BIRC3: variants seen among roughly 807,000 people sequenced by gnomAD.
The protein encoded by BIRC3 is baculoviral IAP repeat-containing protein 3.
A neutral mutation model predicts 59.0 loss-of-function variants in BIRC3; 26 were observed. The ratio of observed to expected loss-of-function variants is 0.44; its 90% CI spans 0.32 to 0.61. The LOEUF is 0.61. BIRC3 is among the 20% of genes least tolerant of loss of function. BIRC3 has a pLI of 0.04. For synonymous variants in BIRC3, 243 were observed against 249.2 expected (o/e 0.98, Z 0.24); for missense variants, 641 against 711.5 (o/e 0.90, Z 1.13).
chr11:102,335,768 C>T (rs1436082543), intron 6 of BIRC3, among the ~76,000 whole-genome samples, 198 bp from the exon 7 acceptor site: 6 of 152,070 alleles, frequency 3.9e-5, no homozygotes, highest in Non-Finnish European at 8.8e-5. Context: ...AGGCATGTGC[C>T]ACTGCACCCT....
chr11:102,318,596 C>T (rs1433996588), intron 1 of BIRC3, among the ~76,000 whole-genome samples: 1 of 152,204 alleles, frequency 6.6e-6, no homozygotes, highest in Non-Finnish European at 1.5e-5. Context: ...AAAAGGCACA[C>T]TTGCCCTCCA....
intron 5 of BIRC3, among the ~76,000 whole-genome samples, chr11:102,330,566 C>T (rs1190921700): frequency 1.3e-5 from 2 of 152,178 alleles, no homozygotes; most frequent in Non-Finnish European, 2.9e-5. Context: ...TTTAAAAAGT[C>T]ACTCTGATTG....
chr11:102,317,965 G>A lies in BIRC3; in HGVS notation c.-2674+394G>A, dbSNP rs543216209. Reference sequence around the variant, plus strand: ...AAGTAAAACGTTTAATGAGCAAATGGACGCATGTTTCCAAGCGGTGGTAGG... The same window carrying A: ...AAGTAAAACGTTTAATGAGCAAATGAACGCATGTTTCCAAGCGGTGGTAGG... On this transcript the variant is annotated intron_variant, in intron 1 of 8. Transcript: ENST00000263464. Among the ~76,000 whole-genome samples, 23 of 152,290 alleles carry A rather than the reference G, an allele frequency of 1.5e-4. No individual in the cohort carries two copies. The South Asian group carries it at 4.8e-3, about 32-fold the overall frequency.
Position 102,325,291 on chromosome 11 carries a change from C to A in BIRC3, c.782C>A (p.Thr261Lys). 1 of 1,614,112 alleles carries A rather than the reference C, an allele frequency of 6.2e-7. No individual in the cohort carries two copies. The highest frequency in any genetic ancestry group is 8.5e-7 in the Non-Finnish European group (1 of 1,179,988). The part of the protein sequence containing the change: ...SMQTHAARFK[T>K]FFNWPSSVLV... ...CAGACACATGCAGCCCGCTTTAAAA[C>A]ATTCTTTAACTGGCCCTCTAGTGTT... The change falls in exon 2 of 9, where the codon ACA (threonine) becomes AAA (lysine). Residue 261 changes from threonine to lysine, a missense_variant. By Grantham distance (78) the Thr-to-Lys change is moderately conservative (BLOSUM62 -1). Around this residue, in one of 4 missense-constraint regions of BIRC3, gnomAD observed 329 missense variants for 365.6 expected, o/e 0.90. Coordinates refer to ENST00000263464, the MANE Select transcript of BIRC3 (RefSeq NM_001165.5).
intron 1 of BIRC3, among the ~76,000 whole-genome samples, chr11:102,321,066 A>G (rs1951026832): frequency 6.6e-6 from 1 of 152,244 alleles, no homozygotes; most frequent in Non-Finnish European, 1.5e-5. Flanking sequence ...CTGTGGTCCA[A>G]GAAAAAAATG....
chr11:102,336,508 G>A, intron 7 of BIRC3: 1 of 557,898 alleles, frequency 1.8e-6, no homozygotes, highest in Non-Finnish European at 3.1e-6. Context: ...GTGGGAGGAT[G>A]GCTTAAGCCT....
At position 102,328,880 on chromosome 11, in the gene BIRC3, A is replaced by ATATATT. The variant is rs1555043003; in HGVS notation, c.1033-16_1033-15insATATTT. The ATATATT allele has an allele frequency of 2.3e-6, 1 of 426,302 alleles. No individual in the cohort carries two copies. The highest frequency in any genetic ancestry group is 2.9e-6 in the Non-Finnish European group (1 of 340,888). The allele number at this position is 426,302 out of a possible 1,614,324, so 26.4% of individuals were successfully genotyped here. A position where few individuals can be genotyped will look rare whatever the true frequency, so the allele number is the denominator to read the frequency against. On this transcript the variant is annotated splice_polypyrimidine_tract_variant and intron_variant, in intron 4 of 8. Coordinates refer to ENST00000263464, the MANE Select transcript of BIRC3 (RefSeq NM_001165.5). ...AATTTATATATATATATATATATAT[A>ATATATT]TTTTTTTTTTCTGCAGCTGCTATCC...
intron 1 of BIRC3, among the ~76,000 whole-genome samples, chr11:102,321,457 T>G (rs1281057649): frequency 6.6e-6 from 1 of 152,096 alleles, no homozygotes; most frequent in African/African-American, 2.4e-5. Flanking sequence ...CAGGCTCACA[T>G]GATTCTCCTG....
chr11:102,338,243 T>G lies in BIRC3; in HGVS notation c.*1141T>G, dbSNP rs1951218512. On this transcript the variant is annotated 3_prime_UTR_variant, in exon 9 of 9. Coordinates refer to ENST00000263464, the MANE Select transcript of BIRC3 (RefSeq NM_001165.5). ...AGGTCTTCAAGAGCAGAAGTAAGAC[T>G]GTAATAGGGAATACTCAGGGGAAGG... The G allele has an allele frequency of 4.4e-6, 1 of 227,618 alleles. No homozygotes were observed. The highest frequency in any genetic ancestry group is 8.7e-6 in the Non-Finnish European group (1 of 114,600). 14.1% of individuals were successfully genotyped at this position (227,618 alleles called of 1,614,324 possible).
In BIRC3 at chr11:102,325,248, G is replaced by A. The variant is rs1260062391; in HGVS notation, c.739G>A (p.Val247Ile). 5 of 1,613,960 alleles carry A rather than the reference G, an allele frequency of 3.1e-6. No individual in the cohort carries two copies. The highest frequency in any genetic ancestry group is 4.2e-6 in the Non-Finnish European group (5 of 1,180,010). Residue 247 changes from valine (V) to isoleucine (I), a missense_variant, in exon 2 of 9, where the codon GTT (valine) becomes ATT (isoleucine). Val to Ile is a conservative substitution (Grantham distance 29, BLOSUM62 3). This residue lies in a region of BIRC3 where 329 missense variants were observed against 365.6 expected (regional missense o/e 0.90). Transcript: ENST00000263464. ...NQLQDTSRYT[V>I]SNLSMQTHAA... ...GCTTCAAGACACTTCAAGATACACA[G>A]TTTCTAATCTGAGCATGCAGACACA... is the stretch of plus-strand genomic sequence containing the variant.
rs927273291 is a variant in BIRC3 at position 102,322,438 on chromosome 11, T to C, written c.-2072T>C. 4.8e-6 allele frequency: 1 copy of C among 206,980 alleles called. No homozygotes were observed. The allele number at this position is 206,980 out of a possible 1,614,324, so 12.8% of individuals were successfully genotyped here. ...ATCCAGTTATTTACAAGGCCACTGATATTTTAAACGTCCAAAAGTTTGTTT... is the reference window on the plus strand; with the variant it reads ...ATCCAGTTATTTACAAGGCCACTGACATTTTAAACGTCCAAAAGTTTGTTT... On this transcript the variant is annotated 5_prime_UTR_variant, in exon 2 of 9. Transcript: ENST00000263464.
intron 7 of BIRC3, 51 bp downstream of exon 7, chr11:102,336,271 C>A: frequency 6.7e-7 from 1 of 1,500,604 alleles, no homozygotes; most frequent in Non-Finnish European, 9.0e-7. Flanking sequence ...ATTGAAAATA[C>A]GCTCTTATTA....
Position 102,325,067 on chromosome 11 carries a change from A to C in BIRC3, c.558A>C (p.Pro186=). ...FQTWPLTFLS[P]TDLAKAGFYY... is the part of the protein sequence containing the mutation. Reference sequence around the variant, plus strand: ...CATGGCCATTGACTTTTCTGTCGCCAACAGATCTGGCAAAAGCAGGCTTTT... The same window carrying C: ...CATGGCCATTGACTTTTCTGTCGCCCACAGATCTGGCAAAAGCAGGCTTTT... The change falls in exon 2 of 9, where the codon CCA becomes CCC. Residue 186 remains proline (P), a synonymous_variant. Transcript: ENST00000263464. 5.0e-6 allele frequency: 8 copies of C among 1,614,198 alleles called. No homozygotes were observed. The highest frequency in any genetic ancestry group is 6.8e-6 in the Non-Finnish European group (8 of 1,180,018).
chr11:102,337,635 C>T lies in BIRC3; in HGVS notation c.*533C>T, dbSNP rs758711484. ...CTTTTTTGATCAGTGTCCTATACAT[C>T]GAAGGTGTGCATATATGTTGAATGA... On this transcript the variant is annotated 3_prime_UTR_variant, in exon 9 of 9. Transcript: ENST00000263464. The T allele has an allele frequency of 3.2e-5, 11 of 340,628 alleles. No individual in the cohort carries two copies. The highest frequency in any genetic ancestry group is 5.8e-5 in the Non-Finnish European group (11 of 189,528). The allele number at this position is 340,628 out of a possible 1,614,324, so 21.1% of individuals were successfully genotyped here.
Position 102,322,034 on chromosome 11 carries a change from C to T in BIRC3, c.-2476C>T, listed in dbSNP as rs17885474. The T allele has an allele frequency of 6.4e-4, 125 of 194,932 alleles. No homozygotes were observed. Among genetic ancestry groups the T allele is most frequent in the African/African-American group, 2.5e-3 (106 of 43,150 alleles). The allele number at this position is 194,932 out of a possible 1,614,324, so 12.1% of individuals were successfully genotyped here. On this transcript the variant is annotated 5_prime_UTR_variant, in exon 2 of 9. Coordinates refer to ENST00000263464, the MANE Select transcript of BIRC3 (RefSeq NM_001165.5). ...AGAATGCTAATTTTATAAACATGAT[C>T]GAGTTATATAAGGTATACCATAATG...
Position 102,325,150 on chromosome 11 carries a change from A to C in BIRC3, c.641A>C (p.Asn214Thr). The C allele has an allele frequency of 1.2e-6, 2 of 1,614,200 alleles. No individual in the cohort carries two copies. The highest frequency in any genetic ancestry group is 1.7e-6 in the Non-Finnish European group (2 of 1,180,020). Residue 214 changes from asparagine (N) to threonine (T), a missense_variant, in exon 2 of 9, where the codon AAT becomes ACT. Transcript: ENST00000263464. ...ACFACGGKLS[N>T]WEPKDNAMSE... ...TTTGCCTGTGGTGGAAAATTGAGCA[A>C]TTGGGAACCGAAGGATAATGCTATG...
At position 102,336,928 on chromosome 11, in the gene BIRC3, A is replaced by AC; in HGVS notation, c.1641_1642insC (p.Arg549AlafsTer10). ...TTCTAGATCTACCAGTGGAAGAACA[A>AC]TTGCGGAGACTACAAGAAGAAAGAA... On this transcript the variant is annotated frameshift_variant, in exon 9 of 9. Coordinates refer to ENST00000263464, the MANE Select transcript of BIRC3 (RefSeq NM_001165.5). LOFTEE classifies it high-confidence loss of function. 1 of 1,602,168 alleles carries AC rather than the reference A, an allele frequency of 6.2e-7. No individual in the cohort carries two copies. The highest frequency in any genetic ancestry group is 8.5e-7 in the Non-Finnish European group (1 of 1,177,400).
At position 102,331,289 on chromosome 11, in the gene BIRC3, A is replaced by G; in HGVS notation, c.1324+48A>G. The G allele has an allele frequency of 4.6e-6, 7 of 1,505,620 alleles. No individual in the cohort carries two copies. The South Asian group carries it at 9.5e-5, about 21-fold the overall frequency. The allele number at this position is 1,505,620 out of a possible 1,614,324, so 93.3% of individuals were successfully genotyped here. On this transcript the variant is annotated intron_variant, in intron 6 of 8. Transcript: ENST00000263464. ...TCTATTTTCATAAGGATTTGATATC[A>G]GTCTATATGTTATGAAAAATATACT...
rs920558874 is a variant in BIRC3, at chr11:102,328,753, A to T, written c.1033-144A>T. ...TATAAATGAAATATTGCTTTTGGTT[A>T]AAAAATTATTTTGCCAGTAAGCAAG... is the stretch of plus-strand genomic sequence containing the variant. On this transcript the variant is annotated intron_variant, in intron 4 of 8. Coordinates refer to ENST00000263464, the MANE Select transcript of BIRC3 (RefSeq NM_001165.5). The T allele has an allele frequency of 2.1e-3, 533 of 256,954 alleles. 3 individuals are homozygous for T. The highest frequency in any genetic ancestry group is 0.011 in the African/African-American group (499 of 43,854). 15.9% of individuals were successfully genotyped at this position (256,954 alleles called of 1,614,324 possible).
Sources: allele counts gnomAD v4.1 joint callset (sites outside exome capture counted in the v4.1 genomes callset), GRCh38; gene constraint gnomAD v4.1.1; regional missense constraint gnomAD v4.1.1; transcripts MANE v1.5; gene names NCBI Gene and HGNC (gene_info 2026-07-23, HGNC 2026-07-21).